The following PCDHGA1 variants were observed in gnomAD, a reference collection of about 807,000 sequenced individuals.
The protein encoded by PCDHGA1 is protocadherin gamma-A1.
A neutral mutation model predicts 58.0 loss-of-function variants in PCDHGA1; 32 were observed. The ratio of observed to expected loss-of-function variants is 0.55; its 90% CI spans 0.42 to 0.74. The LOEUF (loss-of-function observed/expected upper bound fraction) is 0.74. Among genes scored for constraint, PCDHGA1 ranks in the 30% least tolerant of loss-of-function variants. The pLI, the probability that PCDHGA1 is intolerant of heterozygous loss-of-function variation, is 0.00. For missense variants in PCDHGA1, 1,205 were observed against 1,182.3 expected (o/e 1.02, Z -0.28); for synonymous variants, 498 against 501.1 (o/e 0.99, Z 0.08).
rs201394036 is a variant in PCDHGA1 at position 141,385,181 on chromosome 5, C to A, written c.2421+52076C>A. On this transcript the variant is annotated intron_variant, in intron 1 of 3. Coordinates refer to ENST00000517417, the MANE Select transcript of PCDHGA1 (RefSeq NM_018912.3). ...TATTCCCATGAGGTCTCCCTCACCGCGGACTCTCGGAAGAGTCACCTGATC... is the reference window on the plus strand; with the variant it reads ...TATTCCCATGAGGTCTCCCTCACCGAGGACTCTCGGAAGAGTCACCTGATC... 2.3e-4 allele frequency: 371 copies of A among 1,614,202 alleles called. 1 individual carries two copies. The highest frequency in any genetic ancestry group is 2.9e-4 in the Non-Finnish European group (346 of 1,180,040).
intron 2 of PCDHGA1, among the ~76,000 whole-genome samples, chr5:141,496,206 A>C (rs2099766963): frequency 6.6e-6 from 1 of 152,126 alleles, no homozygotes; most frequent in South Asian, 2.1e-4. Context: ...TCAATCTGGT[A>C]TGAATTCCTG....
At chr5:141,420,062 T>G (rs759817545) in intron 1 of PCDHGA1, 1 of 1,614,066 alleles carries the variant, frequency 6.2e-7, no homozygotes, top group Non-Finnish European at 8.5e-7. Context: ...CTGCTCCAAG[T>G]CCGGACCTGT....
intron 1 of PCDHGA1, among the ~76,000 whole-genome samples, chr5:141,453,049 G>C (rs1287375098): frequency 1.3e-5 from 2 of 152,222 alleles, no homozygotes; most frequent in East Asian, 3.9e-4. Context: ...TCTATTATGT[G>C]CAGTTTTAGA....
chr5:141,339,898 T>C (rs1756888565), intron 1 of PCDHGA1: 5 of 1,614,064 alleles, frequency 3.1e-6, no homozygotes, highest in Non-Finnish European at 3.4e-6. Context: ...ATCTAGATTA[T>C]GAGGATGCTA....
At chr5:141,374,589 G>T (rs1385892757) in intron 1 of PCDHGA1, 1 of 1,613,558 alleles carries the variant, frequency 6.2e-7, no homozygotes, top group Admixed American at 1.7e-5. Context: ...TCCCTTCAGG[G>T]ATTTAAGCTC....
intron 1 of PCDHGA1, among the ~76,000 whole-genome samples, chr5:141,387,076 G>T (rs531327789): frequency 2.8e-4 from 42 of 152,310 alleles, no homozygotes; most frequent in African/African-American, 9.4e-4. Flanking sequence ...GTAGGCTACT[G>T]CCTGTGATCA....
intron 1 of PCDHGA1, chr5:141,342,555 T>C (rs1757179058): frequency 6.6e-6 from 1 of 152,252 alleles, no homozygotes; most frequent in Admixed American, 6.5e-5. Context: ...AAAAATTTTC[T>C]GAGACAAGGT....
intron 1 of PCDHGA1, chr5:141,398,805 T>C: frequency 1.2e-6 from 2 of 1,613,964 alleles, no homozygotes; most frequent in Non-Finnish European, 1.7e-6. Flanking sequence ...GCGGCACCAC[T>C]GAGCTCCGGA....
At chr5:141,394,705 C>A (rs1245348426) in intron 1 of PCDHGA1, 1 of 1,613,256 alleles carries the variant, frequency 6.2e-7, no homozygotes, top group African/African-American at 1.3e-5. Context: ...ACGGCGCGAG[C>A]CCTGCTGGAC....
At chr5:141,358,825 T>C (rs1761033525) in intron 1 of PCDHGA1, among the ~76,000 whole-genome samples, 1 of 152,232 alleles carries the variant, frequency 6.6e-6, no homozygotes, top group Non-Finnish European at 1.5e-5. Flanking sequence ...CTTAGTAAGG[T>C]GGCCTCATCC....
chr5:141,355,296 C>T (rs1330952446), intron 1 of PCDHGA1: 5 of 1,613,794 alleles, frequency 3.1e-6, no homozygotes, highest in Non-Finnish European at 4.2e-6. Context: ...AACAGATTCT[C>T]TACTCGGTGT....
At chr5:141,366,651 A>G (rs767855798) in intron 1 of PCDHGA1, 5 of 1,614,244 alleles carry the variant, frequency 3.1e-6, no homozygotes, top group East Asian at 2.2e-5. Flanking sequence ...CCCCAGCCCA[A>G]CTACGCAGAC....
Position 141,491,176 on chromosome 5 carries a change from G to A in PCDHGA1, c.2422-3631G>A. The A allele has an allele frequency of 1.2e-6, 2 of 1,614,210 alleles. No homozygotes were observed. The highest frequency in any genetic ancestry group is 8.5e-7 in the Non-Finnish European group (1 of 1,180,024). On this transcript the variant is annotated intron_variant, in intron 1 of 3. Transcript: ENST00000517417. The surrounding 1 kb of genome is among the most constrained non-coding windows in gnomAD (Gnocchi z 6.9). ...TGACTCTGACACCCAGCAGGTGGTG[G>A]TCCTGGTGAGGGACAATGGTGACCC...
chr5:141,419,119 C>T lies in PCDHGA1; in HGVS notation c.2422-75688C>T. 2.5e-6 allele frequency: 4 copies of T among 1,613,896 alleles called. No individual in the cohort carries two copies. The South Asian group carries it at 3.3e-5, about 13-fold the overall frequency. Reference sequence around the variant, plus strand: ...GGGAGCAGACCCCAGAGTACAACGTCACCATCGCAGCCACAGACAGGGGCA... The same window carrying T: ...GGGAGCAGACCCCAGAGTACAACGTTACCATCGCAGCCACAGACAGGGGCA... On this transcript the variant is annotated intron_variant, in intron 1 of 3. Coordinates refer to ENST00000517417, the MANE Select transcript of PCDHGA1 (RefSeq NM_018912.3).
chr5:141,463,886 C>T (rs1327677210), intron 1 of PCDHGA1, among the ~76,000 whole-genome samples: 3 of 152,118 alleles, frequency 2.0e-5, no homozygotes, highest in African/African-American at 4.8e-5. Flanking sequence ...AAAGTTTTCA[C>T]CTTGCTTTTT....
At chr5:141,452,380 G>A (rs1003689226) in intron 1 of PCDHGA1, among the ~76,000 whole-genome samples, 2 of 152,192 alleles carry the variant, frequency 1.3e-5, no homozygotes, top group Admixed American at 1.3e-4. Context: ...GTAGGGAATA[G>A]TATTTAGAAA....
At chr5:141,340,108 C>T (rs756410712) in intron 1 of PCDHGA1, 30 of 1,614,016 alleles carry the variant, frequency 1.9e-5, no homozygotes, top group Non-Finnish European at 2.5e-5. Flanking sequence ...CTGGGCAGAA[C>T]GCATTCACCA....
rs376452870 is a variant in PCDHGA1 at position 141,423,273 on chromosome 5, G to A, written c.2422-71534G>A. 34 of 1,613,778 alleles carry A rather than the reference G, an allele frequency of 2.1e-5. No homozygotes were observed. In the African/African-American group the frequency reaches 4.4e-4, roughly 21 times the overall value. Reference sequence around the variant, plus strand: ...CGGACCTCGGCAGCCTCGAGTCTCTGGCTAACTCTGAAACCTCAGACCTCT... The same window carrying A: ...CGGACCTCGGCAGCCTCGAGTCTCTAGCTAACTCTGAAACCTCAGACCTCT... On this transcript the variant is annotated intron_variant, in intron 1 of 3. Coordinates refer to ENST00000517417, the MANE Select transcript of PCDHGA1 (RefSeq NM_018912.3).
chr5:141,489,904 C>T lies in PCDHGA1; in HGVS notation c.2422-4903C>T, dbSNP rs750411680. On this transcript the variant is annotated intron_variant, in intron 1 of 3. Transcript: ENST00000517417. This position sits in a 1 kb window ranked among gnomAD's most constrained non-coding sequence, Gnocchi z 4.5. ...TGCTGTGGATGGGGGGACCCCAGCC[C>T]GCTCAGGGACCACCCTTATCTCTGT... 1.6e-5 allele frequency: 26 copies of T among 1,614,092 alleles called. No homozygotes were observed. The highest frequency in any genetic ancestry group is 3.3e-5 in the Admixed American group (2 of 60,014).
Sources: allele counts gnomAD v4.1 joint callset (sites outside exome capture counted in the v4.1 genomes callset), GRCh38; gene constraint gnomAD v4.1.1; non-coding constraint Gnocchi (gnomAD v3.1); transcripts MANE v1.5; gene names NCBI Gene and HGNC (gene_info 2026-07-23, HGNC 2026-07-21).